SCYL3: variants seen among roughly 807,000 people sequenced by gnomAD.
The protein encoded by SCYL3 is SCY1 like pseudokinase 3.
Under a neutral mutation model 73.8 loss-of-function variants are expected in SCYL3, and 35 were observed. That is an observed-to-expected ratio of 0.47 (90% CI 0.36 to 0.63). The LOEUF is 0.63. Ranked by LOEUF, SCYL3 falls within the 20% of genes least tolerant of loss-of-function variation. The pLI, the probability that SCYL3 is intolerant of heterozygous loss-of-function variation, is 0.00. For missense variants in SCYL3, 712 were observed against 798.9 expected (o/e 0.89, Z 1.31); for synonymous variants, 277 against 295.2 (o/e 0.94, Z 0.63).
In SCYL3 at chr1:169,863,334, T is replaced by C. The variant is rs566034657; in HGVS notation, c.956-537A>G. Among the ~76,000 whole-genome samples the C allele has an allele frequency of 6.6e-5, 10 of 152,352 alleles. No individual in the cohort carries two copies. In the South Asian group the frequency reaches 2.1e-3, roughly 32 times the overall value. The stretch of plus-strand genomic sequence containing the variant: ...AGAGTTTTTGAAATACTAGAGATCA[T>C]AGTGTACAACAAAGCTTGTATTTTA... On this transcript the variant is annotated intron_variant, in intron 9 of 12. Transcript: ENST00000367771.
intron 5 of SCYL3, 145 bp from the exon 6 acceptor site, chr1:169,870,502 C>A: frequency 1.6e-6 from 1 of 614,926 alleles, no homozygotes; most frequent in South Asian, 2.0e-5. Context: ...AGATTCTTAA[C>A]ACTATTAGTG....
intron 2 of SCYL3, among the ~76,000 whole-genome samples, chr1:169,881,551 T>G (rs1385585889): frequency 1.3e-5 from 2 of 152,206 alleles, no homozygotes; most frequent in African/African-American, 4.8e-5. Context: ...ATCTTCTAAC[T>G]GCATATTTGT....
rs558980645 is a variant in SCYL3 at position 169,851,695 on chromosome 1, A to G, written c.*2018T>C. 3.9e-4 allele frequency: 450 copies of G among 1,140,974 alleles called. 2 individuals are homozygous for G. The African/African-American group carries it at 6.0e-3, about 15-fold the overall frequency. The allele number at this position is 1,140,974 out of a possible 1,614,324, so 70.7% of individuals were successfully genotyped here. On this transcript the variant is annotated 3_prime_UTR_variant, in exon 13 of 13. Coordinates refer to ENST00000367771, the MANE Select transcript of SCYL3 (RefSeq NM_020423.7). ...ACTAAGAGTATTTATAGATCAGTCC[A>G]TGTGACTTCCAGAATTTGCCTAGTA...
chr1:169,870,980 T>G (rs972262408), intron 5 of SCYL3, among the ~76,000 whole-genome samples: 2 of 152,226 alleles, frequency 1.3e-5, no homozygotes, highest in Non-Finnish European at 2.9e-5. Context: ...AGAACAAATT[T>G]ATAGAAGGAG....
intron 2 of SCYL3, 98 bp downstream of exon 2, chr1:169,888,578 G>T: frequency 1.0e-6 from 1 of 960,644 alleles, no homozygotes; most frequent in Non-Finnish European, 1.5e-6. Context: ...TGGTCCTTAT[G>T]ATCTTACCTC....
intron 9 of SCYL3, among the ~76,000 whole-genome samples, chr1:169,863,027 C>T (rs1201406725): frequency 1.3e-5 from 2 of 152,112 alleles, no homozygotes; most frequent in East Asian, 3.9e-4. Flanking sequence ...ATTCTCCTGC[C>T]TCAGCCTCCC....
intron 10 of SCYL3, chr1:169,860,078 G>C (rs1659505354): frequency 6.6e-6 from 1 of 152,198 alleles, no homozygotes; most frequent in South Asian, 2.1e-4. Flanking sequence ...TATGAGGACA[G>C]AAAACTTGGA....
intron 10 of SCYL3, among the ~76,000 whole-genome samples, chr1:169,861,309 T>C (rs1179928977): frequency 6.6e-6 from 1 of 152,128 alleles, no homozygotes; most frequent in Non-Finnish European, 1.5e-5. Flanking sequence ...TAAGAAGGCT[T>C]CTTTTGCCCT....
intron 1 of SCYL3, among the ~76,000 whole-genome samples, chr1:169,892,799 C>G (rs1662175542): frequency 6.6e-6 from 1 of 152,198 alleles, no homozygotes; most frequent in South Asian, 2.1e-4. Flanking sequence ...ATACACTCAA[C>G]TAAGAAACCC....
At chr1:169,892,060 C>G (rs541025992) in intron 1 of SCYL3, among the ~76,000 whole-genome samples, 1 of 152,262 alleles carries the variant, frequency 6.6e-6, no homozygotes, top group African/African-American at 2.4e-5. Context: ...TTAACTTTGA[C>G]AGAAGTCCAC....
chr1:169,871,562 T>C (rs4376791), intron 5 of SCYL3, among the ~76,000 whole-genome samples: 106,803 of 152,074 alleles, frequency 0.7, 37,691 homozygotes, highest in Middle Eastern at 0.85. Flanking sequence ...AAAAGATACC[T>C]GAAAATATGG....
At chr1:169,865,628 G>T (rs1295676784) in intron 8 of SCYL3, among the ~76,000 whole-genome samples, 1 of 152,092 alleles carries the variant, frequency 6.6e-6, no homozygotes, top group Non-Finnish European at 1.5e-5. Context: ...GACCCCATTT[G>T]CTTCTTCAGT....
At chr1:169,856,123 A>G (rs1659135102) in intron 11 of SCYL3, among the ~76,000 whole-genome samples, 1 of 152,238 alleles carries the variant, frequency 6.6e-6, no homozygotes, top group African/African-American at 2.4e-5. Context: ...TACACCCATT[A>G]TGGAATGGAC....
Position 169,853,139 on chromosome 1 carries a change from A to C in SCYL3, c.*574T>G. The stretch of plus-strand genomic sequence containing the variant: ...CATTTAGAGAACAGGATTGTGGGGA[A>C]TATTCTTATTAAGAACTTTGGTACA... On this transcript the variant is annotated 3_prime_UTR_variant, in exon 13 of 13. Transcript: ENST00000367771. The C allele has an allele frequency of 1.3e-6, 1 of 757,836 alleles. No individual in the cohort carries two copies. The highest frequency in any genetic ancestry group is 1.9e-5 in the South Asian group (1 of 53,294). The allele number at this position is 757,836 out of a possible 1,614,324, so 46.9% of individuals were successfully genotyped here.
At chr1:169,890,915 T>TA (rs780174845) in intron 1 of SCYL3, among the ~76,000 whole-genome samples, 21 of 152,222 alleles carry the variant, frequency 1.4e-4, no homozygotes, top group Non-Finnish European at 1.5e-4. Flanking sequence ...GTTCTGGAGA[T>TA]AGAGTGCTGG....
At position 169,878,670 on chromosome 1, in the gene SCYL3, A is replaced by G. The variant is rs764342513; in HGVS notation, c.315T>C (p.Tyr105=). 1 of 1,613,874 alleles carries G rather than the reference A, an allele frequency of 6.2e-7. No individual in the cohort carries two copies. The highest frequency in any genetic ancestry group is 2.2e-5 in the East Asian group (1 of 44,892). The change falls in exon 3 of 13, where the codon TAT becomes TAC. Residue 105 remains tyrosine (Y), a synonymous_variant. Transcript: ENST00000367771. ...LSSAEVCAGI[Y]DILLALIFLH... is the part of the protein sequence containing the mutation. ...GGAAGATAAGAGCCAGCAATATGTC[A>G]TAGATCCCAGCACAGACCTCTGCAG...
At position 169,853,833 on chromosome 1, in the gene SCYL3, G is replaced by A. The variant is rs887114153; in HGVS notation, c.2008-61C>T. ...AACAAATCATATGCAAAAATCATAC[G>A]CAAATTTGAAAAAGCAGGAATTTAA... is the stretch of plus-strand genomic sequence containing the variant. On this transcript the variant is annotated intron_variant, in intron 12 of 12. Coordinates refer to ENST00000367771, the MANE Select transcript of SCYL3 (RefSeq NM_020423.7). 59 of 1,572,838 alleles carry A rather than the reference G, an allele frequency of 3.8e-5. 1 individual carries two copies. In the South Asian group the frequency reaches 4.3e-4, roughly 11 times the overall value.
At chr1:169,855,005 G>C in intron 11 of SCYL3, 41 bp from the exon 12 acceptor site, 1 of 1,388,074 alleles carries the variant, frequency 7.2e-7, no homozygotes, top group Non-Finnish European at 9.9e-7. Context: ...ACTGGTTAAA[G>C]GTAAGAACTA....
At chr1:169,868,140 T>A (rs575634309) in intron 7 of SCYL3, among the ~76,000 whole-genome samples, 2 of 152,228 alleles carry the variant, frequency 1.3e-5, no homozygotes, top group African/African-American at 4.8e-5. Context: ...ATGCTACTTA[T>A]TTAATAAGAT....
Sources: allele counts gnomAD v4.1 joint callset (sites outside exome capture counted in the v4.1 genomes callset), GRCh38; gene constraint gnomAD v4.1.1; transcripts MANE v1.5; gene names NCBI Gene and HGNC (gene_info 2026-07-23, HGNC 2026-07-21).